CNTRL: variants seen among roughly 807,000 people sequenced by gnomAD.
The protein encoded by CNTRL is 110 kDa centrosomal protein.
CNTRL carries 233 observed loss-of-function variants against 303.7 expected under a neutral mutation model. The ratio of observed to expected loss-of-function variants is 0.77; its 90% CI spans 0.69 to 0.86. The LOEUF (loss-of-function observed/expected upper bound fraction) is 0.86. Among genes scored for constraint, CNTRL ranks in the 40% least tolerant of loss-of-function variants. The probability of loss-of-function intolerance (pLI) is 0.00; values close to 1 mark genes in which losing one functional copy is unlikely to be tolerated. For synonymous variants in CNTRL, 900 were observed against 922.2 expected (o/e 0.98, Z 0.44); for missense variants, 2,524 against 2,650.6 (o/e 0.95, Z 1.05).
Position 121,173,410 on chromosome 9 carries a change from C to G in CNTRL, c.6585C>G (p.Asn2195Lys). ...DLEAILERNE[N>K]LEGELESLKE... ...AAGCTATTTTGGAAAGAAACGAAAA[C>G]CTAGAAGGAGAATTGGAAAGCTTGA... Residue 2195 changes from asparagine to lysine, a missense_variant, in exon 41 of 44, where the codon AAC becomes AAG. Physicochemically the swap from Asn to Lys is moderately conservative, Grantham distance 94. Transcript: ENST00000373855. 1 of 1,613,980 alleles carries G rather than the reference C, an allele frequency of 6.2e-7. No individual in the cohort carries two copies.
At chr9:121,076,573 G>A (rs914364291) in intron 1 of CNTRL, among the ~76,000 whole-genome samples, 1 of 152,070 alleles carries the variant, frequency 6.6e-6, no homozygotes, top group African/African-American at 2.4e-5. Context: ...TGGGAAGTCT[G>A]GATGGATAGA....
chr9:121,144,863 G>A lies in CNTRL; in HGVS notation c.3072G>A (p.Arg1024=), dbSNP rs745741904. The part of the protein sequence containing the change: ...ERAEELQEAE[R]FSRKAAQAAR... ...AGTAGGAGTTGCAGGAAGCAGAGAG[G>A]TTCAGCAGAAAGGCAGCACAAGCAG... The change falls in exon 21 of 44, where the codon AGG becomes AGA. Residue 1024 remains arginine (R), a synonymous_variant. Transcript: ENST00000373855. 6.8e-6 allele frequency: 11 copies of A among 1,613,170 alleles called. No homozygotes were observed. The highest frequency in any genetic ancestry group is 6.6e-5 in the South Asian group (6 of 91,044).
intron 14 of CNTRL, among the ~76,000 whole-genome samples, chr9:121,134,335 G>A (rs2051056667): frequency 6.6e-6 from 1 of 150,376 alleles, no homozygotes. Flanking sequence ...CTGTCACCAG[G>A]CTGGGAATGC....
chr9:121,104,895 TTGTC>T (rs2049386519), intron 7 of CNTRL, among the ~76,000 whole-genome samples: 1 of 151,982 alleles, frequency 6.6e-6, no homozygotes, highest in Non-Finnish European at 1.5e-5. Flanking sequence ...GAGACGGGGT[TTGTC>T]TGATTTCTCT....
chr9:121,173,317 G>T lies in CNTRL; in HGVS notation c.6492G>T (p.Val2164=), dbSNP rs2053385573. The change falls in exon 41 of 44, where the codon GTG becomes GTT. Residue 2164 remains valine, a synonymous_variant. Coordinates refer to ENST00000373855, the MANE Select transcript of CNTRL (RefSeq NM_007018.6). ...SDAMRTLKSE[V]KDEIRTSLKN... Reference sequence around the variant, plus strand: ...CAATGAGGACACTTAAATCTGAGGTGAAGGATGAAATCAGAACCAGCTTGA... The same window carrying T: ...CAATGAGGACACTTAAATCTGAGGTTAAGGATGAAATCAGAACCAGCTTGA... 3.1e-6 allele frequency: 5 copies of T among 1,614,078 alleles called. No individual in the cohort carries two copies. Among genetic ancestry groups the T allele is most frequent in the East Asian group, 2.2e-5 (1 of 44,864 alleles).
intron 34 of CNTRL, 132 bp downstream of exon 34, chr9:121,162,403 C>A: frequency 1.4e-6 from 1 of 738,778 alleles, no homozygotes; most frequent in Non-Finnish European, 2.3e-6. Flanking sequence ...ATACATTTTG[C>A]CAGTTGCATT....
At chr9:121,138,500 T>C (rs1208401150) in intron 15 of CNTRL, 45 bp from the exon 16 acceptor site, 6 of 1,581,720 alleles carry the variant, frequency 3.8e-6, no homozygotes, top group Non-Finnish European at 5.2e-6. Context: ...AATCATAAAT[T>C]ATTGCTGTTT....
At chr9:121,116,316 A>C (rs2049972662) in intron 11 of CNTRL, among the ~76,000 whole-genome samples, 1 of 152,178 alleles carries the variant, frequency 6.6e-6, no homozygotes, top group Non-Finnish European at 1.5e-5. Flanking sequence ...GAGAGTGTAG[A>C]GGAAGATAAA....
chr9:121,086,258 C>T (rs1443619776), intron 2 of CNTRL, among the ~76,000 whole-genome samples: 2 of 152,068 alleles, frequency 1.3e-5, no homozygotes, highest in African/African-American at 4.8e-5. Flanking sequence ...GACAGGCTCT[C>T]GTGGAGCATA....
chr9:121,144,233 C>A, intron 20 of CNTRL, 151 bp downstream of exon 20: 1 of 657,308 alleles, frequency 1.5e-6, no homozygotes, highest in Non-Finnish European at 2.5e-6. Flanking sequence ...GATTATATTC[C>A]CCCCATCACA....
intron 11 of CNTRL, among the ~76,000 whole-genome samples, chr9:121,115,581 A>C (rs992974403): frequency 1.4e-5 from 2 of 145,398 alleles, no homozygotes; most frequent in African/African-American, 5.0e-5. Context: ...AACACAAGCC[A>C]AAAAAAAAAA....
intron 4 of CNTRL, among the ~76,000 whole-genome samples, chr9:121,093,075 G>C (rs924730416): frequency 1.3e-5 from 2 of 151,350 alleles, no homozygotes; most frequent in South Asian, 4.2e-4. Flanking sequence ...CCAAAGTGTT[G>C]GGATTACAGG....
chr9:121,164,884 C>A, intron 34 of CNTRL, 59 bp from the exon 35 acceptor site: 1 of 1,343,328 alleles, frequency 7.4e-7, no homozygotes, highest in Non-Finnish European at 1.0e-6. Flanking sequence ...AACACTGTTC[C>A]TCAGTCATCT....
In CNTRL at chr9:121,145,106, G is replaced by A. The variant is rs1422191196; in HGVS notation, c.3169-138G>A. On this transcript the variant is annotated intron_variant, in intron 21 of 43. Transcript: ENST00000373855. ...TATCCTCTACTGTGTGCCAGGCTTGGTGCAGTTTCCAAGTAATGCAGTTTC... is the reference window on the plus strand; with the variant it reads ...TATCCTCTACTGTGTGCCAGGCTTGATGCAGTTTCCAAGTAATGCAGTTTC... 5.2e-6 allele frequency: 6 copies of A among 1,162,434 alleles called. No homozygotes were observed. The African/African-American group carries it at 9.3e-5, about 18-fold the overall frequency. The allele number at this position is 1,162,434 out of a possible 1,614,324, so 72.0% of individuals were successfully genotyped here. A position where few individuals can be genotyped will look rare whatever the true frequency, so the allele number is the denominator to read the frequency against.
intron 6 of CNTRL, 109 bp downstream of exon 6, chr9:121,096,672 T>C: frequency 1.2e-6 from 1 of 846,482 alleles, no homozygotes; most frequent in African/African-American, 1.7e-5. Context: ...TTTTGCTCCT[T>C]TGACTAAACA....
intron 40 of CNTRL, 86 bp from the exon 41 acceptor site, chr9:121,173,157 T>G (rs554543816): frequency 2.4e-6 from 3 of 1,241,916 alleles, no homozygotes; most frequent in Non-Finnish European, 3.3e-6. Flanking sequence ...TTTATAGATC[T>G]TTAAATACAT....
In CNTRL at chr9:121,138,525, A is replaced by G. The variant is rs1472041225; in HGVS notation, c.2203-20A>G. ...TATTGCTGTTTTACACTTTCATGTC[A>G]TTGCTTCCTATGGTGACAGTTAGAA... is the stretch of plus-strand genomic sequence containing the variant. On this transcript the variant is annotated intron_variant, in intron 15 of 43. Coordinates refer to ENST00000373855, the MANE Select transcript of CNTRL (RefSeq NM_007018.6). The G allele has an allele frequency of 1.9e-6, 3 of 1,606,460 alleles. No homozygotes were observed. The highest frequency in any genetic ancestry group is 2.2e-5 in the East Asian group (1 of 44,724).
chr9:121,106,948 C>T (rs930254904), intron 7 of CNTRL, among the ~76,000 whole-genome samples: 3 of 152,074 alleles, frequency 2.0e-5, no homozygotes, highest in African/African-American at 7.2e-5. Context: ...CTTTAATGTG[C>T]TAGGCTATTA....
At chr9:121,104,787 C>T (rs994367781) in intron 7 of CNTRL, among the ~76,000 whole-genome samples, 2 of 147,020 alleles carry the variant, frequency 1.4e-5, no homozygotes, top group Admixed American at 1.4e-4. Context: ...CTGCAATCTC[C>T]GCCTCCCAGG....
Sources: gnomAD v4.1 joint callset for allele counts (sites outside exome capture counted in the v4.1 genomes callset) on GRCh38, gnomAD v4.1.1 for gene constraint, MANE v1.5 for transcripts, NCBI Gene and HGNC (gene_info 2026-07-23, HGNC 2026-07-21) for gene names.